The following MTAP variants were observed in gnomAD, a reference collection of about 807,000 sequenced individuals.
MTAP encodes the protein S-methyl-5'-thioadenosine phosphorylase.
A neutral mutation model predicts 33.6 loss-of-function variants in MTAP; 33 were observed. The ratio of observed to expected loss-of-function variants is 0.98; its 90% CI spans 0.74 to 1.31. MTAP has a LOEUF of 1.31. Ranked by LOEUF, MTAP falls within the 40% of genes most tolerant of loss-of-function variation. MTAP has a pLI of 0.00. For missense variants in MTAP, 367 were observed against 360.0 expected (o/e 1.02, Z -0.16); for synonymous variants, 148 against 125.7 (o/e 1.18, Z -1.19).
rs185534736 is a variant in MTAP at position 21,844,898 on chromosome 9, A to G, written c.450+6888A>G. 3.4e-3 allele frequency among the ~76,000 whole-genome samples: 524 copies of G among 152,210 alleles called. 5 individuals carry two copies. The highest frequency in any genetic ancestry group is 0.011 in the African/African-American group (474 of 41,544). ...TACAAAAAAATTAGCCGGGCATGGT[A>G]GCGGGCGCCTGTAGTCCCAGCTACT... On this transcript the variant is annotated intron_variant, in intron 5 of 7. Transcript: ENST00000644715.
intron 5 of MTAP, among the ~76,000 whole-genome samples, chr9:21,848,631 T>A (rs1473044633): frequency 1.3e-5 from 2 of 152,198 alleles, no homozygotes; most frequent in African/African-American, 4.8e-5. Context: ...TGGAGTAGAT[T>A]AGTCACTTTA....
intron 4 of MTAP, among the ~76,000 whole-genome samples, chr9:21,831,029 G>C (rs921555334): frequency 2.6e-5 from 4 of 152,162 alleles, no homozygotes; most frequent in Admixed American, 2.0e-4. Context: ...GAGGCATTTT[G>C]TTGTCTCCTC....
intron 1 of MTAP, among the ~76,000 whole-genome samples, chr9:21,904,637 A>G (rs557023960): frequency 5.9e-5 from 9 of 152,352 alleles, no homozygotes; most frequent in African/African-American, 2.2e-4. Flanking sequence ...TATATCAGCC[A>G]GTATGAAACA....
rs201286106 is a variant in MTAP, at chr9:21,914,262, G to A, written c.148-16746G>A. Among the ~76,000 whole-genome samples, 6 of 152,060 alleles carry A rather than the reference G, an allele frequency of 3.9e-5. No homozygotes were observed. The East Asian group carries it at 5.8e-4, about 15-fold the overall frequency. On this transcript the variant is annotated intron_variant, in intron 1 of 1. Transcript: ENST00000577563. ...TCTAGAACTAGAAATATCATTTGAC[G>A]CAGCCATCCAATTACTGGGTATATA... is the stretch of plus-strand genomic sequence containing the variant.
chr9:21,804,528 G>A (rs1174715279), intron 1 of MTAP, among the ~76,000 whole-genome samples: 1 of 152,262 alleles, frequency 6.6e-6, no homozygotes, highest in East Asian at 1.9e-4. Flanking sequence ...GGTACATATG[G>A]TGCTAGGACT....
At chr9:21,932,354 G>A (rs1818975054), downstream of MTAP, 1 of 152,226 alleles carries the variant, frequency 6.6e-6, no homozygotes. Flanking sequence ...AGGCAAGGAG[G>A]ATAGAGGAGT....
At chr9:21,830,767 A>G (rs1824945950) in intron 4 of MTAP, among the ~76,000 whole-genome samples, 1 of 152,206 alleles carries the variant, frequency 6.6e-6, no homozygotes, top group African/African-American at 2.4e-5. Context: ...ACCTCATAAA[A>G]GAGTCAAAGT....
intron 2 of MTAP, 129 bp downstream of exon 2, chr9:21,815,648 A>G: frequency 1.5e-6 from 1 of 687,706 alleles, no homozygotes; most frequent in Non-Finnish European, 2.5e-6. Flanking sequence ...TGCTCCCAGC[A>G]GAGAGGGCCA....
chr9:21,825,884 G>A (rs1393535688), intron 4 of MTAP, among the ~76,000 whole-genome samples: 1 of 152,122 alleles, frequency 6.6e-6, no homozygotes, highest in Non-Finnish European at 1.5e-5. Flanking sequence ...GCATTTTCTT[G>A]ATGATTAGTG....
At chr9:21,932,406 T>C (rs566814290), downstream of MTAP, 4 of 152,170 alleles carry the variant, frequency 2.6e-5, no homozygotes, top group South Asian at 8.3e-4. Flanking sequence ...TTTCCAGCCA[T>C]TATTCTGGAG....
chr9:21,906,339 A>G (rs1311300935), intron 1 of MTAP, among the ~76,000 whole-genome samples: 4 of 152,216 alleles, frequency 2.6e-5, no homozygotes, highest in Non-Finnish European at 5.9e-5. Flanking sequence ...AAGACGTGAA[A>G]AAAAACATTA....
chr9:21,804,276 G>A (rs74712588), intron 1 of MTAP, among the ~76,000 whole-genome samples: 1 of 152,132 alleles, frequency 6.6e-6, no homozygotes, highest in African/African-American at 2.4e-5. Context: ...GGTATCATTA[G>A]GCCACAACTT....
intron 1 of MTAP, among the ~76,000 whole-genome samples, chr9:21,881,528 C>T (rs981516945): frequency 1.8e-4 from 27 of 152,144 alleles, no homozygotes; most frequent in African/African-American, 6.5e-4. Context: ...ATGAAAAGAA[C>T]TCTTGTAATG....
At chr9:21,899,259 GC>G (rs973324402) in intron 1 of MTAP, among the ~76,000 whole-genome samples, 16 of 150,950 alleles carry the variant, frequency 1.1e-4, no homozygotes, top group African/African-American at 3.7e-4. Context: ...GGGAGGGATA[GC>G]ATTAGAAGAT....
intron 1 of MTAP, among the ~76,000 whole-genome samples, chr9:21,883,533 A>C (rs1469100662): frequency 6.6e-6 from 1 of 152,056 alleles, no homozygotes; most frequent in Non-Finnish European, 1.5e-5. Flanking sequence ...AGGAGATAGA[A>C]ACCCCACAAT....
At chr9:21,867,881 T>C (rs906951621), downstream of MTAP, among the ~76,000 whole-genome samples, 9 of 152,194 alleles carry the variant, frequency 5.9e-5, no homozygotes, top group African/African-American at 2.2e-4. Flanking sequence ...CTCAGTGTCA[T>C]AGGATGTTTT....
rs1287365415 is a variant in MTAP at position 21,914,995 on chromosome 9, T to TTTTC, written c.148-16008_148-16005dup. ...TAGTGTAGCACATATCAATACTTTGTTTTCTTTCCTTCCTTCCTTCCTTCC... is the reference window on the plus strand; with the variant it reads ...TAGTGTAGCACATATCAATACTTTGTTTTCTTTCTTTCCTTCCTTCCTTCCTTCC... On this transcript the variant is annotated intron_variant, in intron 1 of 1. Transcript: ENST00000577563. 5.2e-3 allele frequency among the ~76,000 whole-genome samples: 690 copies of TTTTC among 133,224 alleles called. 60 individuals are homozygous for TTTTC. The highest frequency in any genetic ancestry group is 0.02 in the African/African-American group (643 of 31,478). 87.4% of individuals were successfully genotyped at this position (133,224 alleles called of 152,430 possible).
Position 21,863,796 on chromosome 9 carries a change from C to G in MTAP, c.*1782C>G. 2 of 985,762 alleles carry G rather than the reference C, an allele frequency of 2.0e-6. No homozygotes were observed. Among genetic ancestry groups the G allele is most frequent in the Non-Finnish European group, 2.4e-6 (2 of 829,924 alleles). 61.1% of individuals were successfully genotyped at this position (985,762 alleles called of 1,614,324 possible). A position where few individuals can be genotyped will look rare whatever the true frequency, so the allele number is the denominator to read the frequency against. On this transcript the variant is annotated 3_prime_UTR_variant, in exon 8 of 8. Coordinates refer to ENST00000644715, the MANE Select transcript of MTAP (RefSeq NM_002451.4). ...GTAAAGTCAATGTGTTTGTTTGTGT[C>G]TCTGAGATTGACTTCAAGATAATAA...
At chr9:21,815,566 T>C in intron 2 of MTAP, 47 bp downstream of exon 2, 2 of 1,207,570 alleles carry the variant, frequency 1.7e-6, no homozygotes, top group Non-Finnish European at 2.4e-6. Flanking sequence ...TTTTCATTTC[T>C]CCTTGCTGGC....
Sources: gnomAD v4.1 joint callset for allele counts (sites outside exome capture counted in the v4.1 genomes callset) on GRCh38, gnomAD v4.1.1 for gene constraint, MANE v1.5 for transcripts, NCBI Gene and HGNC (gene_info 2026-07-23, HGNC 2026-07-21) for gene names.